Variants in CDKN2A observed in about 807,000 individuals in gnomAD.
The protein encoded by CDKN2A is cyclin dependent kinase inhibitor 2A, also known as cyclin-dependent kinase inhibitor 2A.
A neutral mutation model predicts 11.1 loss-of-function variants in CDKN2A; 3 were observed. The ratio of observed to expected loss-of-function variants is 0.27; its 90% confidence interval spans 0.12 to 0.70. CDKN2A has a LOEUF of 0.70. Ranked by LOEUF, CDKN2A falls within the 30% of genes least tolerant of loss-of-function variation. The pLI is 0.77. For missense variants in CDKN2A, 265 were observed against 233.6 expected (o/e 1.13, Z -0.88); for synonymous variants, 122 against 108.1 (o/e 1.13, Z -0.80).
chr9:21,974,370 C>T lies in CDKN2A; in HGVS notation c.150+308G>A, dbSNP rs190519792. On this transcript the variant is annotated intron_variant, in intron 1 of 2. Coordinates refer to ENST00000304494, the MANE Select transcript of CDKN2A (RefSeq NM_000077.5). This position sits in a 1 kb window ranked among gnomAD's most constrained non-coding sequence, Gnocchi z 5.2. ...TTTAAGACTCCCTTTTTATCCCAAA[C>T]GTTCGTAAATTTTGTATCTGATAAA... The T allele has an allele frequency of 2.2e-5, 34 of 1,529,714 alleles. 1 individual carries two copies. Among genetic ancestry groups the T allele is most frequent in the Middle Eastern group, 1.8e-4 (1 of 5,606 alleles). The allele number at this position is 1,529,714 out of a possible 1,614,324, so 94.8% of individuals were successfully genotyped here.
At position 21,968,188 on chromosome 9, in the gene CDKN2A, A is replaced by T. The variant is rs760432852; in HGVS notation, c.*41T>A. On this transcript the variant is annotated 3_prime_UTR_variant, in exon 3 of 3. Transcript: ENST00000304494. This position sits in a 1 kb window ranked among gnomAD's most constrained non-coding sequence, Gnocchi z 4.7. Reference sequence around the variant, plus strand: ...CCTGTAGGACCTTCGGTGACTGATGATCTAAGTTTCCCGAGGTTTCTCAGA... The same window carrying T: ...CCTGTAGGACCTTCGGTGACTGATGTTCTAAGTTTCCCGAGGTTTCTCAGA... 8 of 1,597,356 alleles carry T rather than the reference A, an allele frequency of 5.0e-6. No homozygotes were observed. In the African/African-American group the frequency reaches 1.1e-4, roughly 21 times the overall value.
intron 1 of CDKN2A, 42 bp from the exon 2 acceptor site, chr9:21,971,250 G>C: frequency 1.3e-6 from 2 of 1,578,740 alleles, no homozygotes; most frequent in Non-Finnish European, 8.5e-7. Flanking sequence ...GGTGGGGGCC[G>C]GCATGACGGA....
chr9:21,979,792 A>T (rs1372558493), upstream of CDKN2A, among the ~76,000 whole-genome samples: 1 of 152,190 alleles, frequency 6.6e-6, no homozygotes, highest in Non-Finnish European at 1.5e-5. Flanking sequence ...ACCAGACTGG[A>T]GAACCCAGCT....
intron 2 of CDKN2A, among the ~76,000 whole-genome samples, chr9:21,969,169 G>T (rs1819567143): frequency 6.6e-6 from 1 of 152,212 alleles, no homozygotes; most frequent in Non-Finnish European, 1.5e-5. Context: ...TACTTTAGGA[G>T]GAGGAGGGGG....
chr9:21,994,260 C>A lies in CDKN2A; in HGVS notation c.-175-207G>T. 6.2e-7 allele frequency: 1 copy of A among 1,605,680 alleles called. No individual in the cohort carries two copies. The highest frequency in any genetic ancestry group is 8.5e-7 in the Non-Finnish European group (1 of 1,177,582). Reference sequence around the variant, plus strand: ...CCCCCGTGAGCCGCGGGATGTGAACCACGAAAACCCTCACTCGCGGCGGGC... The same window carrying A: ...CCCCCGTGAGCCGCGGGATGTGAACAACGAAAACCCTCACTCGCGGCGGGC... On this transcript the variant is annotated intron_variant, in intron 1 of 3. Coordinates refer to the CDKN2A transcript ENST00000494262.
Position 21,991,924 on chromosome 9 carries a change from C to A in CDKN2A, c.-4+1958G>T. ...TCTGTGCTATTAAAGAAAAAAATAACCTGAGCCTTCTGAAGTAGCTATAAA... is the reference window on the plus strand; with the variant it reads ...TCTGTGCTATTAAAGAAAAAAATAAACTGAGCCTTCTGAAGTAGCTATAAA... On this transcript the variant is annotated intron_variant, in intron 2 of 3. Coordinates refer to the CDKN2A transcript ENST00000494262. This position sits in a 1 kb window ranked among gnomAD's most constrained non-coding sequence, Gnocchi z 5.2. 3.0e-6 allele frequency: 3 copies of A among 984,554 alleles called. No individual in the cohort carries two copies. Among genetic ancestry groups the A allele is most frequent in the Non-Finnish European group, 3.6e-6 (3 of 829,376 alleles). 61.0% of individuals were successfully genotyped at this position (984,554 alleles called of 1,614,324 possible).
intron 1 of CDKN2A, chr9:21,994,428 G>A (rs775186150): frequency 1.4e-5 from 22 of 1,593,282 alleles, no homozygotes; most frequent in African/African-American, 5.4e-5. Flanking sequence ...ACTGCAGACT[G>A]GGACCCACGC....
upstream of CDKN2A, chr9:21,975,190 A>C (rs2131115989): frequency 1.9e-5 from 20 of 1,069,426 alleles, no homozygotes; most frequent in East Asian, 5.5e-5. Context: ...TGCCCCCCAC[A>C]CCGCCCTCCG....
In CDKN2A at chr9:21,991,182, T is replaced by A. The variant is rs1373304027; in HGVS notation, c.-4+2700A>T. Among the ~76,000 whole-genome samples the A allele has an allele frequency of 1.3e-5, 2 of 152,186 alleles. No individual in the cohort carries two copies. Among genetic ancestry groups the A allele is most frequent in the Non-Finnish European group, 2.9e-5 (2 of 68,038 alleles). ...GTATCAGGCTGGGCTTTGCAGCAGA[T>A]GGAGGAGCTAGGGCAAGCTTGTCCA... On this transcript the variant is annotated intron_variant, in intron 2 of 3. Transcript: ENST00000494262. This position sits in a 1 kb window ranked among gnomAD's most constrained non-coding sequence, Gnocchi z 5.2.
chr9:21,994,851 T>A, exon 1 of CDKN2A: 1 of 161,052 alleles, frequency 6.2e-6, no homozygotes, highest in Non-Finnish European at 1.4e-5. Context: ...CGGATTCTGG[T>A]GCTGCTCGCG....
At chr9:21,971,646 C>CTTGT (rs1006904215) in intron 1 of CDKN2A, among the ~76,000 whole-genome samples, 1 of 138,460 alleles carries the variant, frequency 7.2e-6, no homozygotes, top group Admixed American at 7.8e-5. Flanking sequence ...AAAGAGAAAA[C>CTTGT]TTGTTTGTTT....
In CDKN2A at chr9:21,991,295, GT is replaced by G. The variant is rs58206096; in HGVS notation, c.-4+2586del. Among the ~76,000 whole-genome samples the G allele has an allele frequency of 3.0e-3, 425 of 141,330 alleles. No homozygotes were observed. Among genetic ancestry groups the G allele is most frequent in the African/African-American group, 5.0e-3 (196 of 38,994 alleles). 92.7% of individuals were successfully genotyped at this position (141,330 alleles called of 152,430 possible). The stretch of plus-strand genomic sequence containing the variant: ...CATACACTTTCTTAAAGTATCATGA[GT>G]TTTTTTTTTTTTTTAAGCTCATCAG... On this transcript the variant is annotated intron_variant, in intron 2 of 3. Transcript: ENST00000494262. The surrounding 1 kb of genome is among the most constrained non-coding windows in gnomAD (Gnocchi z 5.2).
chr9:21,972,866 T>G (rs915754839), intron 1 of CDKN2A, among the ~76,000 whole-genome samples: 1 of 152,302 alleles, frequency 6.6e-6, no homozygotes, highest in East Asian at 1.9e-4. Flanking sequence ...TATATTAGTT[T>G]GAGGATGGTG....
chr9:21,968,733 G>A lies in CDKN2A; in HGVS notation c.458-491C>T, dbSNP rs181044510. On this transcript the variant is annotated intron_variant, in intron 2 of 2. Transcript: ENST00000304494. The surrounding 1 kb of genome is among the most constrained non-coding windows in gnomAD (Gnocchi z 4.7). ...GGAATCCCGTAGCTTCCCTACGCAT[G>A]CCTGCTTCTACAAACCCACAAATGG... 9.3e-4 allele frequency: 1,434 copies of A among 1,536,164 alleles called. 14 individuals carry two copies. Among genetic ancestry groups the A allele is most frequent in the East Asian group, 1.6e-3 (67 of 40,904 alleles).
At chr9:21,990,234 T>G (rs2131140321) in intron 2 of CDKN2A, among the ~76,000 whole-genome samples, 1 of 152,194 alleles carries the variant, frequency 6.6e-6, no homozygotes, top group South Asian at 2.1e-4. Flanking sequence ...ACGAGGCACC[T>G]TGGAAACAGG....
upstream of CDKN2A, among the ~76,000 whole-genome samples, chr9:21,979,650 T>C (rs1402146564): frequency 6.6e-6 from 1 of 152,144 alleles, no homozygotes; most frequent in African/African-American, 2.4e-5. Flanking sequence ...GAGGTTAGCT[T>C]GTTTGCAGAG....
intron 2 of CDKN2A, chr9:21,990,038 T>A (rs933278685): frequency 4.6e-5 from 7 of 152,298 alleles, no homozygotes; most frequent in African/African-American, 1.7e-4. Context: ...GTGCATCTCA[T>A]CTCTTGTCGC....
intron 2 of CDKN2A, chr9:21,992,123 T>C (rs931338462): frequency 1.2e-6 from 1 of 818,152 alleles, no homozygotes; most frequent in Non-Finnish European, 1.5e-6. Context: ...ATAATAAACA[T>C]ATTTGCAGAA....
intron 2 of CDKN2A, chr9:21,993,877 C>T: frequency 1.8e-6 from 1 of 554,822 alleles, no homozygotes; most frequent in Admixed American, 3.1e-5. Flanking sequence ...ATATTCGGGA[C>T]TCACTGACTT....
Sources: gnomAD v4.1 joint callset for allele counts (sites outside exome capture counted in the v4.1 genomes callset) on GRCh38, gnomAD v4.1.1 for gene constraint, Gnocchi (gnomAD v3.1) non-coding constraint, MANE v1.5 for transcripts, NCBI Gene and HGNC (gene_info 2026-07-23, HGNC 2026-07-21) for gene names.